Variants in ZNF407 observed in about 807,000 individuals in gnomAD.
ZNF407 encodes zinc finger protein 407.
In ZNF407, 17 loss-of-function variants were observed where a neutral mutation model predicts 131.2. That is an observed-to-expected ratio of 0.13 (90% CI 0.09 to 0.19). The LOEUF is 0.19. Ranked by LOEUF, ZNF407 falls within the 10% of genes least tolerant of loss-of-function variation. ZNF407 has a pLI of 1.00. For missense variants in ZNF407, 2,681 were observed against 2,830.6 expected, an observed-to-expected ratio of 0.95 and a Z score of 1.20; for synonymous variants, 1,156 against 1,062.0, an observed-to-expected ratio of 1.09 and a Z score of -1.72.
chr18:74,606,690 A>G (rs1260990607), intron 1 of ZNF407, among the ~76,000 whole-genome samples: 1 of 152,198 alleles, frequency 6.6e-6, no homozygotes, highest in Non-Finnish European at 1.5e-5. Context: ...GAGACATTTG[A>G]GTGTCAGTTT....
intron 8 of ZNF407, among the ~76,000 whole-genome samples, chr18:75,008,885 AT>A (rs1272646747): frequency 2.0e-5 from 3 of 152,224 alleles, no homozygotes; most frequent in Non-Finnish European, 4.4e-5. Context: ...CATCTAGTGA[AT>A]AGTTCATACT....
chr18:75,045,791 TG>T (rs1294496373), intron 8 of ZNF407, among the ~76,000 whole-genome samples: 3 of 152,172 alleles, frequency 2.0e-5, no homozygotes, highest in Non-Finnish European at 4.4e-5. Flanking sequence ...ATGAGGCTGG[TG>T]GGCTTTGTTT....
At position 74,675,982 on chromosome 18, in the gene ZNF407, A is replaced by C. The variant is rs557819463; in HGVS notation, c.4802+34860A>C. On this transcript the variant is annotated intron_variant, in intron 3 of 8. Transcript: ENST00000299687. ...CACATCATTTAGGTAGTTTAAAAAT[A>C]TATTATGCTTCTGCATGTATAAAAA... Among the ~76,000 whole-genome samples the C allele has an allele frequency of 3.7e-4, 56 of 152,198 alleles. 1 individual carries two copies. The highest frequency in any genetic ancestry group is 6.5e-4 in the Non-Finnish European group (44 of 68,034).
intron 8 of ZNF407, among the ~76,000 whole-genome samples, chr18:75,061,122 CTG>C (rs1416722820): frequency 6.6e-6 from 1 of 152,218 alleles, no homozygotes; most frequent in Non-Finnish European, 1.5e-5. Context: ...ATGGTTGACT[CTG>C]TTTTTAAGAG....
At chr18:74,721,407 G>A (rs1031390942) in intron 3 of ZNF407, among the ~76,000 whole-genome samples, 2 of 152,128 alleles carry the variant, frequency 1.3e-5, no homozygotes, top group Non-Finnish European at 2.9e-5. Flanking sequence ...CTAGGCAAGA[G>A]AGAAATAAGT....
At chr18:74,682,290 G>A (rs532238480) in intron 3 of ZNF407, among the ~76,000 whole-genome samples, 1 of 152,308 alleles carries the variant, frequency 6.6e-6, no homozygotes, top group East Asian at 1.9e-4. Context: ...AGTTGACCCT[G>A]TTCTTGGCAT....
intron 8 of ZNF407, among the ~76,000 whole-genome samples, chr18:75,044,365 T>C (rs558407837): frequency 6.6e-6 from 1 of 152,208 alleles, no homozygotes; most frequent in South Asian, 2.1e-4. Context: ...GGTTTTTGTT[T>C]GTTTGTTTTC....
At chr18:74,837,733 G>A (rs752452174) in intron 4 of ZNF407, among the ~76,000 whole-genome samples, 6 of 151,928 alleles carry the variant, frequency 3.9e-5, no homozygotes, top group Admixed American at 2.0e-4. Flanking sequence ...GTTCACTGCA[G>A]CCACCACATC....
chr18:75,014,934 A>C (rs1973025525), intron 8 of ZNF407, among the ~76,000 whole-genome samples: 1 of 152,114 alleles, frequency 6.6e-6, no homozygotes, highest in Non-Finnish European at 1.5e-5. Flanking sequence ...ACATCATGTT[A>C]CTTAGTTCTA....
At chr18:74,655,911 T>C (rs1460166425) in intron 3 of ZNF407, among the ~76,000 whole-genome samples, 4 of 152,170 alleles carry the variant, frequency 2.6e-5, no homozygotes, top group Non-Finnish European at 4.4e-5. Context: ...TGCCAATTTA[T>C]ATGGCTGGCT....
chr18:74,719,805 G>A (rs2144866990), intron 3 of ZNF407, among the ~76,000 whole-genome samples: 1 of 152,276 alleles, frequency 6.6e-6, no homozygotes, highest in African/African-American at 2.4e-5. Flanking sequence ...AGTTCTTCCT[G>A]TTCCATCTAT....
At chr18:75,012,263 A>G (rs905244264) in intron 8 of ZNF407, among the ~76,000 whole-genome samples, 1 of 149,848 alleles carries the variant, frequency 6.7e-6, no homozygotes, top group African/African-American at 2.5e-5. Flanking sequence ...TGCTATACAC[A>G]TAGTGTATGT....
rs754436579 is a variant in ZNF407, at chr18:74,890,341, A to G, written c.5249+303A>G. Reference sequence around the variant, plus strand: ...TCTATGTGTTACAGTTGATGAACCTACATTGACATGATTCTCACCCAGAGT... The same window carrying G: ...TCTATGTGTTACAGTTGATGAACCTGCATTGACATGATTCTCACCCAGAGT... On this transcript the variant is annotated intron_variant, in intron 7 of 8. Coordinates refer to ENST00000299687, the MANE Select transcript of ZNF407 (RefSeq NM_017757.3). 3.8e-4 allele frequency among the ~76,000 whole-genome samples: 58 copies of G among 152,178 alleles called. 2 individuals carry two copies. Among genetic ancestry groups the G allele is most frequent in the Non-Finnish European group, 3.2e-4 (22 of 68,036 alleles).
intron 6 of ZNF407, among the ~76,000 whole-genome samples, chr18:74,883,381 A>G (rs545964665): frequency 6.6e-6 from 1 of 152,302 alleles, no homozygotes; most frequent in Non-Finnish European, 1.5e-5. Context: ...TTTGAAATCT[A>G]TATTTCTCTG....
At chr18:74,751,436 A>T (rs910850064) in intron 3 of ZNF407, among the ~76,000 whole-genome samples, 1 of 152,054 alleles carries the variant, frequency 6.6e-6, no homozygotes, top group Non-Finnish European at 1.5e-5. Flanking sequence ...GGTTTGTTAC[A>T]TATGTATACA....
chr18:75,026,192 G>C (rs1414842557), intron 8 of ZNF407, among the ~76,000 whole-genome samples: 1 of 152,204 alleles, frequency 6.6e-6, no homozygotes, highest in Non-Finnish European at 1.5e-5. Context: ...GCCCAAAAAT[G>C]TTTACCTAAA....
chr18:75,044,718 A>G (rs1412577096), intron 8 of ZNF407, among the ~76,000 whole-genome samples: 1 of 152,208 alleles, frequency 6.6e-6, no homozygotes, highest in African/African-American at 2.4e-5. Context: ...TATTGTAAGT[A>G]TATTAATATG....
chr18:74,974,043 T>C lies in ZNF407; in HGVS notation c.5428+53351T>C, dbSNP rs75530748. ...TGAGGGACACAATCAACCCATGACA[T>C]ATGGCAATTCAATTAATTTATCATA... On this transcript the variant is annotated intron_variant, in intron 8 of 8. Transcript: ENST00000299687. Among the ~76,000 whole-genome samples the C allele has an allele frequency of 5.8e-3, 889 of 152,318 alleles. 9 individuals are homozygous for C. Among genetic ancestry groups the C allele is most frequent in the African/African-American group, 0.02 (850 of 41,570 alleles).
chr18:74,660,963 A>G (rs1985687441), intron 3 of ZNF407, among the ~76,000 whole-genome samples: 1 of 152,176 alleles, frequency 6.6e-6, no homozygotes, highest in Non-Finnish European at 1.5e-5. Flanking sequence ...GTTAAGAAAC[A>G]AGCTGTCTCA....
Sources: allele counts gnomAD v4.1 joint callset (sites outside exome capture counted in the v4.1 genomes callset), GRCh38; gene constraint gnomAD v4.1.1; transcripts MANE v1.5; gene names NCBI Gene and HGNC (gene_info 2026-07-23, HGNC 2026-07-21).